The following TANC2 variants were observed in gnomAD, a reference collection of about 807,000 sequenced individuals.
TANC2 encodes the protein protein TANC2.
In TANC2, 26 loss-of-function variants were observed where a neutral mutation model predicts 210.5. The observed-to-expected ratio is 0.12, with a 90% CI of 0.09 to 0.17. The LOEUF (loss-of-function observed/expected upper bound fraction) is 0.17, where lower values mean the gene tolerates loss of function less well. Among genes scored for constraint, TANC2 ranks in the 10% least tolerant of loss-of-function variants. The pLI is 1.00. For missense variants in TANC2, 2,129 were observed against 2,608.9 expected (o/e 0.82, Z 4.01); for synonymous variants, 931 against 967.1 (o/e 0.96, Z 0.69).
intron 8 of TANC2, among the ~76,000 whole-genome samples, chr17:63,250,264 T>C (rs1466875551): frequency 6.6e-6 from 1 of 151,682 alleles, no homozygotes; most frequent in East Asian, 1.9e-4. Flanking sequence ...ATCTGGAAAG[T>C]GTTAGTTAAA....
chr17:63,401,653 A>G (rs890196477), intron 19 of TANC2, among the ~76,000 whole-genome samples: 15 of 152,156 alleles, frequency 9.9e-5, no homozygotes, highest in Non-Finnish European at 1.6e-4. Context: ...AGCTTTCACT[A>G]TCTGCTGACC....
chr17:63,192,528 C>T (rs2041219391), intron 5 of TANC2, among the ~76,000 whole-genome samples: 1 of 152,066 alleles, frequency 6.6e-6, no homozygotes, highest in African/African-American at 2.4e-5. Flanking sequence ...CAGACATTCT[C>T]ACCATTTGTA....
intron 8 of TANC2, among the ~76,000 whole-genome samples, chr17:63,251,484 A>G (rs2043051964): frequency 6.6e-6 from 1 of 152,188 alleles, no homozygotes; most frequent in Admixed American, 6.5e-5. Flanking sequence ...TATTTGTCTC[A>G]TATGCCTTTA....
chr17:63,083,992 C>T (rs1166306331), intron 3 of TANC2, among the ~76,000 whole-genome samples: 1 of 152,066 alleles, frequency 6.6e-6, no homozygotes, highest in East Asian at 1.9e-4. Flanking sequence ...TAATGCTGAC[C>T]TTATAGAATA....
intron 2 of TANC2, among the ~76,000 whole-genome samples, chr17:63,013,567 G>A (rs1178133183): frequency 1.3e-5 from 2 of 152,046 alleles, no homozygotes; most frequent in Non-Finnish European, 2.9e-5. Context: ...TTCAAGACCA[G>A]CCTGGCCAAC....
chr17:63,179,812 GT>G (rs1335828044), intron 5 of TANC2, among the ~76,000 whole-genome samples: 1 of 151,864 alleles, frequency 6.6e-6, no homozygotes, highest in Non-Finnish European at 1.5e-5. Flanking sequence ...AAGGATAATT[GT>G]TTTGTCTCTG....
At chr17:63,102,467 T>A (rs1221818432) in intron 4 of TANC2, among the ~76,000 whole-genome samples, 1 of 151,838 alleles carries the variant, frequency 6.6e-6, no homozygotes, top group Non-Finnish European at 1.5e-5. Context: ...TCCTTTTTAT[T>A]TTTATTTATT....
At chr17:63,034,416 A>G (rs376181981) in intron 2 of TANC2, among the ~76,000 whole-genome samples, 1 of 152,236 alleles carries the variant, frequency 6.6e-6, no homozygotes, top group East Asian at 1.9e-4. Flanking sequence ...GGAAACATTC[A>G]AGGAGATTAA....
At chr17:63,118,989 G>C (rs927577845) in intron 4 of TANC2, among the ~76,000 whole-genome samples, 1 of 151,910 alleles carries the variant, frequency 6.6e-6, no homozygotes, top group African/African-American at 2.4e-5. Context: ...CACCATGTTA[G>C]CCAGGGATGG....
intron 7 of TANC2, among the ~76,000 whole-genome samples, chr17:63,233,914 G>T (rs1292873485): frequency 2.0e-5 from 3 of 152,170 alleles, no homozygotes; most frequent in South Asian, 4.1e-4. Flanking sequence ...TTAGATTTCT[G>T]TCTCCTTTCT....
In TANC2 at chr17:63,061,830, T is replaced by G. The variant is rs188391779; in HGVS notation, c.68-12113T>G. On this transcript the variant is annotated intron_variant, in intron 2 of 27. Transcript: ENST00000689528. ...TTCTTCTCTTTATTTGTTAAAAACT[T>G]TCCTCCCTTTAACCTTCTCTTTCTC... is the stretch of plus-strand genomic sequence containing the variant. Among the ~76,000 whole-genome samples, 708 of 152,256 alleles carry G rather than the reference T, an allele frequency of 4.7e-3. 5 individuals carry two copies. The highest frequency in any genetic ancestry group is 0.016 in the African/African-American group (684 of 41,560).
At chr17:63,159,433 G>T (rs2039948942) in intron 5 of TANC2, among the ~76,000 whole-genome samples, 1 of 151,512 alleles carries the variant, frequency 6.6e-6, no homozygotes, top group Admixed American at 6.6e-5. Flanking sequence ...GCTAAAATAA[G>T]AAAATATACA....
intron 13 of TANC2, among the ~76,000 whole-genome samples, 180 bp downstream of exon 13, chr17:63,351,596 G>A (rs17760469): frequency 0.16 from 25,039 of 151,970 alleles, 2,658 homozygotes; most frequent in Non-Finnish European, 0.24. Flanking sequence ...TTCTTTATAC[G>A]TGACTCTCAG....
intron 9 of TANC2, among the ~76,000 whole-genome samples, chr17:63,295,406 AG>A (rs2044504859): frequency 6.6e-6 from 1 of 152,270 alleles, no homozygotes; most frequent in Non-Finnish European, 1.5e-5. Context: ...TCAGAAACTG[AG>A]GCCTTTGAGT....
intron 6 of TANC2, among the ~76,000 whole-genome samples, chr17:63,198,722 TG>T (rs1021800183): frequency 6.6e-6 from 1 of 151,512 alleles, no homozygotes; most frequent in African/African-American, 2.4e-5. Flanking sequence ...ATGTCACAAG[TG>T]ATATTACTGT....
chr17:63,283,632 C>G (rs1402157561), intron 9 of TANC2, among the ~76,000 whole-genome samples: 1 of 151,950 alleles, frequency 6.6e-6, no homozygotes, highest in African/African-American at 2.4e-5. Context: ...TAGTATATCT[C>G]TGCAGTCATG....
chr17:63,283,565 G>A (rs1214351364), intron 9 of TANC2, among the ~76,000 whole-genome samples: 1 of 151,808 alleles, frequency 6.6e-6, no homozygotes, highest in Admixed American at 6.6e-5. Context: ...TTTGAGGGGG[G>A]AAGATAGATA....
chr17:63,356,369 C>T (rs1293901479), intron 14 of TANC2, among the ~76,000 whole-genome samples: 1 of 152,154 alleles, frequency 6.6e-6, no homozygotes, highest in South Asian at 2.1e-4. Context: ...AACAACATAG[C>T]TGGCAAATGC....
At chr17:63,284,695 T>TGAA (rs2044167731) in intron 9 of TANC2, among the ~76,000 whole-genome samples, 1 of 152,114 alleles carries the variant, frequency 6.6e-6, no homozygotes, top group Non-Finnish European at 1.5e-5. Context: ...ATGTTTCATA[T>TGAA]GCAATTGAAA....
Sources: gnomAD v4.1 joint callset for allele counts (sites outside exome capture counted in the v4.1 genomes callset) on GRCh38, gnomAD v4.1.1 for gene constraint, MANE v1.5 for transcripts, NCBI Gene and HGNC (gene_info 2026-07-23, HGNC 2026-07-21) for gene names.